The following TXNDC11 variants were observed in gnomAD, a reference collection of about 807,000 sequenced individuals.
TXNDC11 encodes the protein thioredoxin domain-containing protein 11.
TXNDC11 carries 68 observed loss-of-function variants against 78.0 expected under a neutral mutation model. The ratio of observed to expected loss-of-function variants is 0.87; its 90% CI spans 0.72 to 1.07. The LOEUF (loss-of-function observed/expected upper bound fraction) is 1.07. Among genes scored for constraint, TXNDC11 ranks in the 50% least tolerant of loss-of-function variants. The probability of loss-of-function intolerance (pLI) is 0.00; values close to 1 mark genes in which losing one functional copy is unlikely to be tolerated. For synonymous variants in TXNDC11, 571 were observed against 495.2 expected, an observed-to-expected ratio of 1.15 and a Z score of -2.03; for missense variants, 1,389 against 1,221.8, an observed-to-expected ratio of 1.14 and a Z score of -2.04.
chr16:11,702,210 ACCTTAT>A (rs1242947648), intron 5 of TXNDC11, among the ~76,000 whole-genome samples: 4 of 152,080 alleles, frequency 2.6e-5, no homozygotes, highest in Non-Finnish European at 5.9e-5. Flanking sequence ...ATCAACAGGG[ACCTTAT>A]CCTTATGTGT....
Position 11,691,637 on chromosome 16 carries a change from C to A in TXNDC11, c.1553G>T (p.Gly518Val), listed in dbSNP as rs1233087750. Residue 518 changes from glycine to valine, a missense_variant, in exon 8 of 12, where the codon GGC (glycine) becomes GTC (valine). By Grantham distance (109) the Gly-to-Val change is moderately radical. Coordinates refer to ENST00000283033, the MANE Select transcript of TXNDC11 (RefSeq NM_015914.7). ...GACACCTTGTTCAGAGTCGATGAAG[C>A]CTGACACACCCCTGCTTATGGTCCT... is the stretch of plus-strand genomic sequence containing the variant. ...CCRTISRGVS[G>V]FIDSEQGVFE... is the part of the protein sequence containing the mutation. 1 of 1,614,130 alleles carries A rather than the reference C, an allele frequency of 6.2e-7. No individual in the cohort carries two copies. Among genetic ancestry groups the A allele is most frequent in the Non-Finnish European group, 8.5e-7 (1 of 1,180,032 alleles).
intron 5 of TXNDC11, among the ~76,000 whole-genome samples, chr16:11,717,434 G>GAAAAAAAAAAAAAA (rs58884197): frequency 8.0e-5 from 5 of 62,302 alleles, no homozygotes; most frequent in Non-Finnish European, 1.1e-4. Context: ...GACTCCAAAT[G>GAAAAAAAAAAAAAA]AAAAAAAAAA....
intron 1 of TXNDC11, among the ~76,000 whole-genome samples, chr16:11,737,503 G>A (rs976238727): frequency 1.3e-5 from 2 of 151,376 alleles, no homozygotes; most frequent in Non-Finnish European, 2.9e-5. Flanking sequence ...AAAGCCAGAC[G>A]GTACAAATGG....
chr16:11,680,771 G>A (rs1198283823), intron 11 of TXNDC11, among the ~76,000 whole-genome samples: 2 of 152,140 alleles, frequency 1.3e-5, no homozygotes, highest in African/African-American at 2.4e-5. Context: ...ACTGGACCCG[G>A]CCGTAAATTG....
At chr16:11,721,511 A>G (rs2051705876) in intron 5 of TXNDC11, 66 bp downstream of exon 5, 1 of 818,660 alleles carries the variant, frequency 1.2e-6, no homozygotes, top group Non-Finnish European at 2.0e-6. Flanking sequence ...TCATAATAAC[A>G]CATGGAAAAG....
At chr16:11,701,348 G>C (rs529366454) in intron 5 of TXNDC11, among the ~76,000 whole-genome samples, 19 of 151,682 alleles carry the variant, frequency 1.3e-4, no homozygotes, top group African/African-American at 4.6e-4. Flanking sequence ...TGTTGGCCAG[G>C]GCAGTCTCGA....
In TXNDC11 at chr16:11,679,907, C is replaced by CCA. The variant is rs2050378448; in HGVS notation, c.2235-71_2235-70insTG. The CCA allele has an allele frequency of 2.9e-6, 4 of 1,371,148 alleles. No homozygotes were observed. The African/African-American group carries it at 4.3e-5, about 15-fold the overall frequency. 84.9% of individuals were successfully genotyped at this position (1,371,148 alleles called of 1,614,324 possible). A position where few individuals can be genotyped will look rare whatever the true frequency, so the allele number is the denominator to read the frequency against. On this transcript the variant is annotated intron_variant, in intron 11 of 11. Coordinates refer to ENST00000283033, the MANE Select transcript of TXNDC11 (RefSeq NM_015914.7). This position sits in a 1 kb window ranked among gnomAD's most constrained non-coding sequence, Gnocchi z 4.6. ...ACAATGAGTCCAAAAGCAGGCTGTA[C>CCA]CTGAGGCCAGGCCATCTACTTCTCA...
At chr16:11,709,535 C>T (rs1284510339) in intron 5 of TXNDC11, among the ~76,000 whole-genome samples, 4 of 147,694 alleles carry the variant, frequency 2.7e-5, no homozygotes, top group East Asian at 2.0e-4. Context: ...CCCGGGTTCA[C>T]GCCATTCTCC....
chr16:11,685,460 G>A (rs1317117108), intron 10 of TXNDC11, among the ~76,000 whole-genome samples: 3 of 151,990 alleles, frequency 2.0e-5, no homozygotes, highest in Admixed American at 1.3e-4. Context: ...CCTGGCTAAC[G>A]CGGTGAAACG....
At chr16:11,728,343 C>A (rs1442918395) in intron 4 of TXNDC11, among the ~76,000 whole-genome samples, 1 of 152,188 alleles carries the variant, frequency 6.6e-6, no homozygotes, top group Admixed American at 6.5e-5. Context: ...TACTATCTAT[C>A]TCTTGCCAAT....
intron 2 of TXNDC11, among the ~76,000 whole-genome samples, 188 bp from the exon 3 acceptor site, chr16:11,734,267 C>G (rs572243588): frequency 5.3e-5 from 8 of 152,342 alleles, no homozygotes; most frequent in East Asian, 1.9e-4. Context: ...ATACTCTTAT[C>G]TATGATGTCC....
intron 2 of TXNDC11, among the ~76,000 whole-genome samples, chr16:11,734,293 C>T (rs1419483087): frequency 2.6e-5 from 4 of 152,120 alleles, no homozygotes; most frequent in Admixed American, 6.5e-5. Context: ...GGACTTGGAC[C>T]GTGTTTACCA....
chr16:11,710,522 C>T (rs2051319915), intron 5 of TXNDC11, among the ~76,000 whole-genome samples: 1 of 152,140 alleles, frequency 6.6e-6, no homozygotes, highest in East Asian at 1.9e-4. Context: ...GAGAAAAGGC[C>T]GCTGGGCCAT....
At chr16:11,709,259 CT>C (rs60926291) in intron 5 of TXNDC11, among the ~76,000 whole-genome samples, 19 of 142,270 alleles carry the variant, frequency 1.3e-4, no homozygotes, top group East Asian at 2.0e-4. Flanking sequence ...AGCTGTGATT[CT>C]TTTTTTTTTG....
chr16:11,716,457 G>C (rs2051529454), intron 5 of TXNDC11, among the ~76,000 whole-genome samples: 1 of 152,158 alleles, frequency 6.6e-6, no homozygotes, highest in African/African-American at 2.4e-5. Context: ...GTTACAAGAG[G>C]AACAGGCTTT....
chr16:11,711,557 C>A (rs775297682), intron 5 of TXNDC11, among the ~76,000 whole-genome samples: 4 of 152,212 alleles, frequency 2.6e-5, no homozygotes, highest in Non-Finnish European at 5.9e-5. Flanking sequence ...TTACACTCTG[C>A]TATTTTGCCT....
Position 11,679,287 on chromosome 16 carries a change from C to G in TXNDC11, c.2785G>C (p.Ala929Pro). 2 of 1,612,816 alleles carry G rather than the reference C, an allele frequency of 1.2e-6. No individual in the cohort carries two copies. The highest frequency in any genetic ancestry group is 1.7e-6 in the Non-Finnish European group (2 of 1,179,906). Residue 929 changes from alanine (A) to proline (P), a missense_variant, in exon 12 of 12, where the codon GCC becomes CCC. Transcript: ENST00000283033. This position sits in a 1 kb window ranked among gnomAD's most constrained non-coding sequence, Gnocchi z 4.6. The part of the protein sequence containing the change: ...EVHPKQPEPS[A>P]TPQLPGSSPP... ...GAGCTGCCAGGGAGCTGGGGGGTGG[C>G]TGAGGGCTCAGGCTGCTTGGGGTGG...
In TXNDC11 at chr16:11,691,983, A is replaced by G; in HGVS notation, c.1207T>C (p.Ser403Pro). 6.3e-7 allele frequency: 1 copy of G among 1,597,140 alleles called. No individual in the cohort carries two copies. Among genetic ancestry groups the G allele is most frequent in the African/African-American group, 1.3e-5 (1 of 74,734 alleles). The change falls in exon 8 of 12, where the codon TCC becomes CCC. Residue 403 changes from serine (S) to proline (P), a missense_variant. Coordinates refer to ENST00000283033, the MANE Select transcript of TXNDC11 (RefSeq NM_015914.7). ...LRRVDAPVLE[S>P]LALEVPAQLP... ...TGTGCCGGCACTTCCAGGGCCAGGG[A>G]CTCCAGCACTGGAGCATCCACCCGC... is the stretch of plus-strand genomic sequence containing the variant.
At chr16:11,681,938 C>T (rs1436745895) in intron 11 of TXNDC11, among the ~76,000 whole-genome samples, 1 of 152,162 alleles carries the variant, frequency 6.6e-6, no homozygotes, top group Non-Finnish European at 1.5e-5. Flanking sequence ...TAAAAACATA[C>T]AAGCAGCACC....
Sources: gnomAD v4.1 joint callset for allele counts (sites outside exome capture counted in the v4.1 genomes callset) on GRCh38, gnomAD v4.1.1 for gene constraint, Gnocchi (gnomAD v3.1) non-coding constraint, MANE v1.5 for transcripts, NCBI Gene and HGNC (gene_info 2026-07-23, HGNC 2026-07-21) for gene names.